Variants in SORT1 observed in about 807,000 individuals in gnomAD.
SORT1 encodes the protein sortilin 1, also known as sortilin.
A neutral mutation model predicts 101.7 loss-of-function variants in SORT1; 39 were observed. That is an observed-to-expected ratio of 0.38 (90% CI 0.30 to 0.50). The LOEUF is 0.50. Ranked by LOEUF, SORT1 falls within the 20% of genes least tolerant of loss-of-function variation. The pLI, the probability that SORT1 is intolerant of heterozygous loss-of-function variation, is 0.90. For missense variants in SORT1, 878 were observed against 1,040.4 expected, an observed-to-expected ratio of 0.84 and a Z score of 2.15; for synonymous variants, 396 against 393.7, an observed-to-expected ratio of 1.01 and a Z score of -0.07.
At chr1:109,338,261 T>C (rs1648972069) in intron 10 of SORT1, among the ~76,000 whole-genome samples, 1 of 152,126 alleles carries the variant, frequency 6.6e-6, no homozygotes, top group African/African-American at 2.4e-5. Context: ...TGCATGTGCA[T>C]GTGTACCTGC....
chr1:109,350,479 G>A (rs1485986481), intron 6 of SORT1, among the ~76,000 whole-genome samples: 5 of 152,168 alleles, frequency 3.3e-5, no homozygotes, highest in African/African-American at 7.2e-5. Context: ...GTTGTGGTGC[G>A]CAATGTGACT....
chr1:109,336,140 G>T, intron 11 of SORT1, 100 bp downstream of exon 11: 1 of 711,202 alleles, frequency 1.4e-6, no homozygotes. Flanking sequence ...TTATGCTGAG[G>T]ACCCTAATCA....
At chr1:109,319,433 T>C (rs539460260) in intron 15 of SORT1, among the ~76,000 whole-genome samples, 21 of 152,344 alleles carry the variant, frequency 1.4e-4, no homozygotes, top group Admixed American at 1.0e-3. Context: ...CTGCATGTCT[T>C]GACCTTAGAA....
intron 3 of SORT1, 106 bp downstream of exon 3, chr1:109,367,299 TAGA>T: frequency 1.5e-6 from 1 of 661,716 alleles, no homozygotes. Flanking sequence ...TTAGGATGGC[TAGA>T]AGATCTTTTA....
At chr1:109,383,449 T>C (rs1042618207) in intron 1 of SORT1, among the ~76,000 whole-genome samples, 1 of 152,230 alleles carries the variant, frequency 6.6e-6, no homozygotes, top group Non-Finnish European at 1.5e-5. Flanking sequence ...ACTTTTAATC[T>C]ACAGAAGTCA....
rs72646591 is a variant in SORT1 at position 109,314,223 on chromosome 1, G to C, written c.2481+38C>G. ...GACTTTATTTTCTTGTATTTTTTGG[G>C]GGGGGGGGTACTACCATTCAAGAAG... On this transcript the variant is annotated intron_variant, in intron 19 of 19. Transcript: ENST00000256637. 33 of 1,456,904 alleles carry C rather than the reference G, an allele frequency of 2.3e-5. 1 individual carries two copies. The East Asian group carries it at 4.7e-4, about 21-fold the overall frequency. 90.2% of individuals were successfully genotyped at this position (1,456,904 alleles called of 1,614,324 possible).
At chr1:109,366,220 A>G (rs947429384) in intron 3 of SORT1, among the ~76,000 whole-genome samples, 2 of 152,176 alleles carry the variant, frequency 1.3e-5, no homozygotes, top group African/African-American at 4.8e-5. Context: ...AACTTCACCA[A>G]TGTCACAGTA....
intron 2 of SORT1, among the ~76,000 whole-genome samples, chr1:109,369,010 T>C (rs1651286833): frequency 6.6e-6 from 1 of 152,158 alleles, no homozygotes; most frequent in African/African-American, 2.4e-5. Context: ...CTTCCCACCG[T>C]GGAAGAAGGT....
Position 109,327,589 on chromosome 1 carries a change from T to C in SORT1, c.1384A>G (p.Ile462Val). The C allele has an allele frequency of 6.2e-7, 1 of 1,604,778 alleles. No individual in the cohort carries two copies. The highest frequency in any genetic ancestry group is 1.7e-5 in the Admixed American group (1 of 58,136). The stretch of plus-strand genomic sequence containing the variant: ...TGGGAGATGCTGTAGGAAGCATGAA[T>C]ATGAAGGCTGCACTGTGAAAAGAAA... ...AKNKNECSLH[I>V]HASYSISQKL... The change falls in exon 12 of 20, where the codon ATT becomes GTT. Residue 462 changes from isoleucine (I) to valine (V), a missense_variant. Ile to Val is a conservative substitution (Grantham distance 29). Around this residue, in one of 2 missense-constraint regions of SORT1, gnomAD observed 684 missense variants for 894.5 expected, o/e 0.76. Coordinates refer to ENST00000256637, the MANE Select transcript of SORT1 (RefSeq NM_002959.7).
In SORT1 at chr1:109,355,442, A is replaced by G. The variant is rs1330419948; in HGVS notation, c.468T>C (p.Asp156=). Residue 156 remains aspartate (D), a synonymous_variant, in exon 4 of 20, where the codon GAT becomes GAC. Coordinates refer to ENST00000256637, the MANE Select transcript of SORT1 (RefSeq NM_002959.7). ...RSEDYGKNFK[D]ITDLINNTFI... is the part of the protein sequence containing the mutation. ...AGGTGTTATTGATGAGATCTGTAATATCCTTAAAGTTCTTCCCATAATCCT... is the reference window on the plus strand; with the variant it reads ...AGGTGTTATTGATGAGATCTGTAATGTCCTTAAAGTTCTTCCCATAATCCT... 6.3e-7 allele frequency: 1 copy of G among 1,597,538 alleles called. No homozygotes were observed.
intron 19 of SORT1, 21 bp downstream of exon 19, chr1:109,314,240 T>C: frequency 6.3e-7 from 1 of 1,586,182 alleles, no homozygotes; most frequent in African/African-American, 1.4e-5. Context: ...GGTACTACCA[T>C]TCAAGAAGAA....
In SORT1 at chr1:109,356,391, GGGAGCACAGAGAA is replaced by G. The variant is rs549637266; in HGVS notation, c.441-935_441-923del. ...ACTGCTATCGTCATTCTGTCACAAT[GGGAGCACAGAGAA>G]GGTAATTTCAGAATACCGAGAAGCA... On this transcript the variant is annotated intron_variant, in intron 3 of 19. Transcript: ENST00000256637. Among the ~76,000 whole-genome samples the G allele has an allele frequency of 3.3e-5, 5 of 152,278 alleles. No individual in the cohort carries two copies. In the South Asian group the frequency reaches 1.0e-3, roughly 32 times the overall value.
At chr1:109,341,109 T>C (rs1233877253) in intron 9 of SORT1, among the ~76,000 whole-genome samples, 1 of 152,200 alleles carries the variant, frequency 6.6e-6, no homozygotes, top group African/African-American at 2.4e-5. Context: ...GATGCTGAGT[T>C]TGTTGAATAA....
At chr1:109,374,959 A>G (rs1229666896) in intron 1 of SORT1, among the ~76,000 whole-genome samples, 1 of 152,226 alleles carries the variant, frequency 6.6e-6, no homozygotes, top group Non-Finnish European at 1.5e-5. Context: ...CTCCGTCTCA[A>G]AAACAAACAA....
At chr1:109,345,921 G>T in intron 7 of SORT1, 40 bp from the exon 8 acceptor site, 2 of 1,569,620 alleles carry the variant, frequency 1.3e-6, no homozygotes, top group Non-Finnish European at 1.7e-6. Flanking sequence ...TTCACTTACT[G>T]GTGAGCCTAG....
At chr1:109,332,997 G>A (rs771249041) in intron 11 of SORT1, among the ~76,000 whole-genome samples, 4 of 152,060 alleles carry the variant, frequency 2.6e-5, no homozygotes, top group Non-Finnish European at 4.4e-5. Flanking sequence ...GTGCGGTCTC[G>A]GCTCACTGCA....
intron 3 of SORT1, among the ~76,000 whole-genome samples, chr1:109,364,666 AGGG>A (rs2101620186): frequency 6.6e-6 from 1 of 152,298 alleles, no homozygotes; most frequent in South Asian, 2.1e-4. Context: ...GGCAGGGGCT[AGGG>A]GGTGCAGTGT....
At position 109,326,977 on chromosome 1, in the gene SORT1, T is replaced by C; in HGVS notation, c.1643+15A>G. 6.3e-7 allele frequency: 1 copy of C among 1,597,136 alleles called. No homozygotes were observed. Among genetic ancestry groups the C allele is most frequent in the Non-Finnish European group, 8.6e-7 (1 of 1,169,346 alleles). On this transcript the variant is annotated intron_variant, in intron 13 of 19. Coordinates refer to ENST00000256637, the MANE Select transcript of SORT1 (RefSeq NM_002959.7). ...CTCTATGCAGACAGTGTGTGTGAGA[T>C]GAGTTCATGCATACTTAATCACATT...
chr1:109,341,422 C>T (rs953623238), intron 9 of SORT1, among the ~76,000 whole-genome samples: 2 of 151,990 alleles, frequency 1.3e-5, no homozygotes, highest in Non-Finnish European at 2.9e-5. Flanking sequence ...TCTCAGCTCA[C>T]TGCAAGCTCC....
Sources: gnomAD v4.1 joint callset for allele counts (sites outside exome capture counted in the v4.1 genomes callset) on GRCh38, gnomAD v4.1.1 for gene constraint, gnomAD v4.1.1 regional missense constraint, MANE v1.5 for transcripts, NCBI Gene and HGNC (gene_info 2026-07-23, HGNC 2026-07-21) for gene names.